MILR1: variants seen among roughly 807,000 people sequenced by gnomAD.
MILR1 encodes the protein mast cell immunoglobulin like receptor 1.
MILR1 carries 31 observed loss-of-function variants against 18.5 expected under a neutral mutation model. That is an observed-to-expected ratio of 1.68 (90% CI 1.26 to 2.26). The LOEUF is 2.26. Ranked by LOEUF, MILR1 falls within the 30% of genes most tolerant of loss-of-function variation. The pLI, the probability that MILR1 is intolerant of heterozygous loss-of-function variation, is 0.00. For missense variants in MILR1, 257 were observed against 157.4 expected, an observed-to-expected ratio of 1.63 and a Z score of -3.38; for synonymous variants, 85 against 56.2, an observed-to-expected ratio of 1.51 and a Z score of -2.30.
the MILR1 span, among the ~76,000 whole-genome samples, chr17:64,478,908 G>A: frequency 0.28 from 42,138 of 151,926 alleles, 11,247 homozygotes; most frequent in African/African-American, 0.7. Context: ...AAAAAAGAAT[G>A]ATACATTTTT....
downstream of MILR1, among the ~76,000 whole-genome samples, chr17:64,469,203 C>T (rs1278154245): frequency 6.6e-6 from 1 of 151,994 alleles, no homozygotes; most frequent in African/African-American, 2.4e-5. Flanking sequence ...TTTATTTAAC[C>T]CAGCATATCC....
At chr17:64,455,620 A>ATTTTTTTTT (rs878942450) in intron 3 of MILR1, among the ~76,000 whole-genome samples, 1 of 143,876 alleles carries the variant, frequency 7.0e-6, no homozygotes, top group Non-Finnish European at 1.5e-5. Context: ...CGCCTGGCTA[A>ATTTTTTTTT]TTTTTTTTTT....
chr17:64,465,397 T>C (rs2037530869), intron 5 of MILR1, 55 bp from the exon 6 acceptor site: 4 of 1,275,952 alleles, frequency 3.1e-6, no homozygotes, highest in Middle Eastern at 1.8e-4. Flanking sequence ...GCCGAGGAGA[T>C]GAGAAAAATG....
chr17:64,470,240 C>A (rs2037666894), downstream of MILR1, among the ~76,000 whole-genome samples: 1 of 152,016 alleles, frequency 6.6e-6, no homozygotes, highest in South Asian at 2.1e-4. Context: ...ATTACAGGCA[C>A]CCACCACCAT....
the MILR1 span, chr17:64,496,617 C>A: frequency 6.2e-7 from 1 of 1,614,036 alleles, no homozygotes; most frequent in Non-Finnish European, 8.5e-7. Context: ...AACACCACCA[C>A]CGAGGTCCAC....
At chr17:64,486,977 A>C in the MILR1 span, 1 of 152,206 alleles carries the variant, frequency 6.6e-6, no homozygotes, top group Admixed American at 6.5e-5. Flanking sequence ...TTTGGATAAA[A>C]ACAGTTCCAC....
the MILR1 span, among the ~76,000 whole-genome samples, chr17:64,487,821 G>A: frequency 6.6e-6 from 1 of 151,958 alleles, no homozygotes; most frequent in Non-Finnish European, 1.5e-5. Context: ...GGGCAACATG[G>A]CAAGATCCCA....
At chr17:64,482,367 GCTGGAGTGCAGTGGTGCTAT>G in the MILR1 span, among the ~76,000 whole-genome samples, 7 of 151,158 alleles carry the variant, frequency 4.6e-5, no homozygotes, top group Non-Finnish European at 1.0e-4. Flanking sequence ...TGTCGCCCAG[GCTGGAGTGCAGTGGTGCTAT>G]CTCAGCTCAC....
At chr17:64,474,855 A>G in the MILR1 span, among the ~76,000 whole-genome samples, 1 of 152,076 alleles carries the variant, frequency 6.6e-6, no homozygotes, top group Non-Finnish European at 1.5e-5. Context: ...TCTCTACAGT[A>G]GTTATTAGAA....
chr17:64,472,057 G>A (rs2037693591), downstream of MILR1, among the ~76,000 whole-genome samples: 1 of 152,176 alleles, frequency 6.6e-6, no homozygotes, highest in Non-Finnish European at 1.5e-5. Flanking sequence ...TAATCTTGAA[G>A]TGGGGAGGAC....
chr17:64,454,604 A>G (rs1396370267), intron 3 of MILR1, among the ~76,000 whole-genome samples: 1 of 152,194 alleles, frequency 6.6e-6, no homozygotes, highest in Admixed American at 6.6e-5. Flanking sequence ...TAATCCAATG[A>G]TAGCAATGAA....
Position 64,466,453 on chromosome 17 carries a change from G to C in MILR1, c.865G>C (p.Val289Leu). The C allele has an allele frequency of 6.2e-7, 1 of 1,613,606 alleles. No individual in the cohort carries two copies. The highest frequency in any genetic ancestry group is 8.5e-7 in the Non-Finnish European group (1 of 1,179,728). Residue 289 changes from valine (V) to leucine (L), a missense_variant, in exon 7 of 10, where the codon GTG becomes CTG. Val to Leu is a conservative substitution (Grantham distance 32). Transcript: ENST00000619286. ...TTCTCATTTTACAGAGGAGGAATCT[G>C]TGCCAGAAGTGGGATCCAGGCCGTG... ...ILEKQAKEES[V>L]PEVGSRPCVS...
At chr17:64,452,203 G>A (rs1216584052) in intron 2 of MILR1, among the ~76,000 whole-genome samples, 2 of 151,430 alleles carry the variant, frequency 1.3e-5, no homozygotes, top group Non-Finnish European at 2.9e-5. Flanking sequence ...CTCCCAAAGT[G>A]CTAGGATTAT....
intron 8 of MILR1, among the ~76,000 whole-genome samples, chr17:64,467,032 TTC>T (rs1216572097): frequency 4.3e-5 from 6 of 139,024 alleles, no homozygotes; most frequent in African/African-American, 2.0e-4. Flanking sequence ...TTCTCTTTCT[TTC>T]TTTCTTTCTT....
chr17:64,477,856 CAA>C, the MILR1 span: 3 of 1,608,296 alleles, frequency 1.9e-6, no homozygotes, highest in South Asian at 2.2e-5. Flanking sequence ...TATACTTAAT[CAA>C]AAAGTCTTTT....
At chr17:64,465,665 T>A (rs1409254398) in intron 6 of MILR1, 124 bp downstream of exon 6, 1 of 911,166 alleles carries the variant, frequency 1.1e-6, no homozygotes, top group Non-Finnish European at 1.7e-6. Flanking sequence ...TGTCTATTGA[T>A]GCCCAGTCCC....
chr17:64,495,616 T>C, the MILR1 span, among the ~76,000 whole-genome samples: 2 of 152,192 alleles, frequency 1.3e-5, no homozygotes, highest in African/African-American at 2.4e-5. Flanking sequence ...TACCAATCCA[T>C]ATTTAACATT....
intron 4 of MILR1, among the ~76,000 whole-genome samples, chr17:64,458,995 C>T (rs1382435002): frequency 3.9e-5 from 6 of 152,180 alleles, no homozygotes; most frequent in South Asian, 2.1e-4. Flanking sequence ...GAGCCCAGGT[C>T]GGGAGCGGGG....
At chr17:64,454,144 G>A (rs1001939122) in intron 3 of MILR1, among the ~76,000 whole-genome samples, 4 of 151,802 alleles carry the variant, frequency 2.6e-5, no homozygotes, top group African/African-American at 9.7e-5. Context: ...TGACCAGGCT[G>A]GTCTTAACTC....
Sources: gnomAD v4.1 joint callset for allele counts (sites outside exome capture counted in the v4.1 genomes callset) on GRCh38, gnomAD v4.1.1 for gene constraint, MANE v1.5 for transcripts, NCBI Gene and HGNC (gene_info 2026-07-23, HGNC 2026-07-21) for gene names.